EXD1: variants seen among roughly 807,000 people sequenced by gnomAD.
EXD1 encodes piRNA biogenesis protein EXD1.
Under a neutral mutation model 49.1 loss-of-function variants are expected in EXD1, and 63 were observed. That is an observed-to-expected ratio of 1.28 (90% CI 1.05 to 1.58). The LOEUF (loss-of-function observed/expected upper bound fraction) is 1.58. EXD1 is among the 40% of genes most tolerant of loss of function. The pLI is 0.00. For synonymous variants in EXD1, 234 were observed against 239.2 expected (o/e 0.98, Z 0.20); for missense variants, 748 against 666.0 (o/e 1.12, Z -1.36).
chr15:41,225,159 C>T (rs2047142162), intron 2 of EXD1, among the ~76,000 whole-genome samples: 1 of 152,208 alleles, frequency 6.6e-6, no homozygotes, highest in South Asian at 2.1e-4. Flanking sequence ...AGCCATTGCA[C>T]TGTTCTTCAG....
chr15:41,207,033 G>C (rs1359870260), intron 7 of EXD1, among the ~76,000 whole-genome samples: 1 of 142,800 alleles, frequency 7.0e-6, no homozygotes, highest in Non-Finnish European at 1.5e-5. Context: ...ACGAGGTAAG[G>C]AGTTCGAGAC....
rs1478368779 is a variant in EXD1, at chr15:41,218,760, T to C, written c.202+1070A>G. Among the ~76,000 whole-genome samples the C allele has an allele frequency of 4.6e-5, 7 of 152,256 alleles. No homozygotes were observed. In the East Asian group the frequency reaches 1.4e-3, roughly 29 times the overall value. On this transcript the variant is annotated intron_variant, in intron 3 of 11. Coordinates refer to ENST00000458580, the MANE Select transcript of EXD1 (RefSeq NM_001286441.2). Reference sequence around the variant, plus strand: ...CTATCCCTGCCATTATAAAAGAATATTCAAGGGACAGAGTGTTCATGACAG... The same window carrying C: ...CTATCCCTGCCATTATAAAAGAATACTCAAGGGACAGAGTGTTCATGACAG...
chr15:41,188,114 A>G (rs1056012044), intron 11 of EXD1, among the ~76,000 whole-genome samples: 4 of 152,054 alleles, frequency 2.6e-5, no homozygotes, highest in Non-Finnish European at 4.4e-5. Flanking sequence ...CTTTTCCTGT[A>G]AAGAACAAAA....
At chr15:41,193,117 T>C (rs2046555501) in intron 9 of EXD1, among the ~76,000 whole-genome samples, 1 of 152,036 alleles carries the variant, frequency 6.6e-6, no homozygotes, top group Non-Finnish European at 1.5e-5. Flanking sequence ...AGTGTCTCAC[T>C]ACGTTGTTCG....
At chr15:41,220,975 T>A (rs1261446472) in intron 2 of EXD1, among the ~76,000 whole-genome samples, 1 of 152,156 alleles carries the variant, frequency 6.6e-6, no homozygotes, top group East Asian at 1.9e-4. Context: ...CCCAAAGTAC[T>A]GGGATTACAG....
intron 7 of EXD1, among the ~76,000 whole-genome samples, chr15:41,207,754 A>G (rs2046855973): frequency 6.6e-6 from 1 of 151,964 alleles, no homozygotes; most frequent in Admixed American, 6.6e-5. Context: ...GCTGTAGTCC[A>G]GATCCCAGCA....
At chr15:41,217,012 G>A (rs372331827) in intron 4 of EXD1, 85 bp downstream of exon 4, 5 of 1,354,526 alleles carry the variant, frequency 3.7e-6, no homozygotes, top group Non-Finnish European at 1.0e-6. Flanking sequence ...AAGGAATTAA[G>A]CAGCTGGTGA....
chr15:41,220,997 C>A (rs185668306), intron 2 of EXD1, among the ~76,000 whole-genome samples: 1 of 152,118 alleles, frequency 6.6e-6, no homozygotes, highest in Non-Finnish European at 1.5e-5. Context: ...TGTAAGCCAC[C>A]GTGCCCAGCC....
At chr15:41,190,387 C>T (rs776408794) in intron 10 of EXD1, 7 of 398,630 alleles carry the variant, frequency 1.8e-5, no homozygotes, top group Non-Finnish European at 3.3e-5. Flanking sequence ...GCAGGAGAAT[C>T]GCTTAAACCT....
In EXD1 at chr15:41,226,567, G is replaced by A. The variant is rs2047167651; in HGVS notation, c.9C>T (p.Pro3=). ...GGCTGAGGAAATGGTAGTCACTGCT[G>A]GGGTCCATGCTAATTGATTCCAAAA... is the stretch of plus-strand genomic sequence containing the variant. MD[P]SSDYHFLSQI... Residue 3 remains proline, a synonymous_variant, in exon 2 of 12, where the codon CCC becomes CCT. Transcript: ENST00000458580. 4 of 1,535,922 alleles carry A rather than the reference G, an allele frequency of 2.6e-6. No homozygotes were observed. Among genetic ancestry groups the A allele is most frequent in the Non-Finnish European group, 3.5e-6 (4 of 1,146,830 alleles).
chr15:41,184,828 T>C (rs186657958), intron 11 of EXD1, among the ~76,000 whole-genome samples: 92 of 152,120 alleles, frequency 6.0e-4, no homozygotes, highest in Middle Eastern at 3.4e-3. Context: ...CTAATTTTTT[T>C]TCTATTGTTA....
At position 41,226,622 on chromosome 15, in the gene EXD1, C is replaced by G. The variant is rs1004434848; in HGVS notation, c.-47G>C. 1.3e-5 allele frequency: 20 copies of G among 1,493,156 alleles called. No individual in the cohort carries two copies. Among genetic ancestry groups the G allele is most frequent in the African/African-American group, 2.8e-5 (2 of 71,102 alleles). 92.5% of individuals were successfully genotyped at this position (1,493,156 alleles called of 1,614,324 possible). ...TCTTCAAATAATCTTCTTTAAGCAT[C>G]CAAACACTTGAAAATTAATAAAGAG... On this transcript the variant is annotated 5_prime_UTR_variant, in exon 2 of 12. Coordinates refer to ENST00000458580, the MANE Select transcript of EXD1 (RefSeq NM_001286441.2).
intron 7 of EXD1, among the ~76,000 whole-genome samples, chr15:41,205,400 T>C (rs1227389801): frequency 6.6e-6 from 1 of 151,794 alleles, no homozygotes; most frequent in Non-Finnish European, 1.5e-5. Flanking sequence ...AAACCATGCT[T>C]GGCCCTAGCC....
intron 7 of EXD1, among the ~76,000 whole-genome samples, chr15:41,200,147 T>C (rs185699042): frequency 6.6e-6 from 1 of 152,124 alleles, no homozygotes; most frequent in Non-Finnish European, 1.5e-5. Context: ...GGAGCTCAAG[T>C]GATCCGCCTG....
At chr15:41,199,728 A>G (rs1427218805) in intron 7 of EXD1, among the ~76,000 whole-genome samples, 2 of 30,430 alleles carry the variant, frequency 6.6e-5, no homozygotes, top group South Asian at 2.1e-3. Flanking sequence ...TATATTATAT[A>G]TGATATATAT....
intron 2 of EXD1, among the ~76,000 whole-genome samples, chr15:41,222,811 C>T (rs1036902943): frequency 5.3e-5 from 8 of 151,238 alleles, no homozygotes; most frequent in Admixed American, 1.3e-4. Context: ...TGGCACACGC[C>T]TGTAGTCCCA....
At position 41,182,803 on chromosome 15, in the gene EXD1, T is replaced by A. The variant is rs1394879675; in HGVS notation, c.*1128A>T. 6.6e-5 allele frequency: 10 copies of A among 152,116 alleles called. No individual in the cohort carries two copies. Among genetic ancestry groups the A allele is most frequent in the Non-Finnish European group, 1.2e-4 (8 of 68,028 alleles). 9.4% of individuals were successfully genotyped at this position (152,116 alleles called of 1,614,324 possible). On this transcript the variant is annotated 3_prime_UTR_variant, in exon 12 of 12. Coordinates refer to ENST00000458580, the MANE Select transcript of EXD1 (RefSeq NM_001286441.2). The stretch of plus-strand genomic sequence containing the variant: ...AAGAATGTTAGCAATTTGCAAGCAT[T>A]CAATACTTTAAAAGGCTCAATACAA...
rs890931532 is a variant in EXD1 at position 41,184,815 on chromosome 15, C to T, written c.1057-222G>A. Among the ~76,000 whole-genome samples the T allele has an allele frequency of 6.6e-5, 10 of 152,060 alleles. No individual in the cohort carries two copies. In the South Asian group the frequency reaches 8.3e-4, roughly 13 times the overall value. ...GACTACAGGCGCCTGCCACCACGCC[C>T]AGCTAATTTTTTTTCTATTGTTAGT... On this transcript the variant is annotated intron_variant, in intron 11 of 11. Coordinates refer to ENST00000458580, the MANE Select transcript of EXD1 (RefSeq NM_001286441.2).
intron 3 of EXD1, among the ~76,000 whole-genome samples, chr15:41,217,724 C>T (rs761766166): frequency 6.6e-6 from 1 of 151,956 alleles, no homozygotes; most frequent in Non-Finnish European, 1.5e-5. Flanking sequence ...TTAGTAGAGA[C>T]GGGGTTTCAC....
Sources: allele counts gnomAD v4.1 joint callset (sites outside exome capture counted in the v4.1 genomes callset), GRCh38; gene constraint gnomAD v4.1.1; transcripts MANE v1.5; gene names NCBI Gene and HGNC (gene_info 2026-07-23, HGNC 2026-07-21).